PEX5L: variants seen among roughly 807,000 people sequenced by gnomAD.
PEX5L encodes the protein PEX5-related protein.
PEX5L carries 30 observed loss-of-function variants against 84.0 expected under a neutral mutation model. The ratio of observed to expected loss-of-function variants is 0.36; its 90% CI spans 0.27 to 0.48. The LOEUF is 0.48. PEX5L is among the 20% of genes least tolerant of loss of function. The probability of loss-of-function intolerance (pLI) is 0.99; values close to 1 mark genes in which losing one functional copy is unlikely to be tolerated. For synonymous variants in PEX5L, 270 were observed against 283.1 expected (o/e 0.95, Z 0.46); for missense variants, 533 against 754.6 (o/e 0.71, Z 3.44).
intron 5 of PEX5L, 70 bp from the exon 6 acceptor site, chr3:179,875,547 G>A: frequency 9.8e-7 from 1 of 1,021,696 alleles, no homozygotes; most frequent in African/African-American, 1.6e-5. Context: ...GTGGCGGGGA[G>A]TGGGGTGAGG....
At chr3:179,940,397 G>A (rs1775762039) in intron 2 of PEX5L, among the ~76,000 whole-genome samples, 2 of 152,222 alleles carry the variant, frequency 1.3e-5, no homozygotes, top group Non-Finnish European at 2.9e-5. Context: ...GGGGGGCGCT[G>A]GGGGATGTGG....
At chr3:179,861,164 C>T (rs1364464295) in intron 7 of PEX5L, among the ~76,000 whole-genome samples, 2 of 152,212 alleles carry the variant, frequency 1.3e-5, no homozygotes, top group Non-Finnish European at 2.9e-5. Context: ...TCCTCAGTAT[C>T]TCCTAGCAGG....
intron 7 of PEX5L, among the ~76,000 whole-genome samples, chr3:179,872,657 A>G (rs572146198): frequency 7.9e-5 from 12 of 152,320 alleles, no homozygotes; most frequent in African/African-American, 2.6e-4. Context: ...CTGGGTCTCT[A>G]TGGCAACCAG....
chr3:179,990,859 G>A (rs1243055706), intron 1 of PEX5L, among the ~76,000 whole-genome samples: 1 of 152,112 alleles, frequency 6.6e-6, no homozygotes, highest in East Asian at 1.9e-4. Context: ...TTATTGATGA[G>A]GCAACTGAAA....
intron 2 of PEX5L, among the ~76,000 whole-genome samples, chr3:179,916,871 T>A (rs1052447679): frequency 3.3e-5 from 5 of 151,872 alleles, no homozygotes; most frequent in Admixed American, 3.3e-4. Context: ...AGTTTCACCA[T>A]GTTGGCCAGG....
intron 7 of PEX5L, among the ~76,000 whole-genome samples, chr3:179,869,559 G>A (rs1017400601): frequency 1.3e-5 from 2 of 152,114 alleles, no homozygotes; most frequent in South Asian, 4.1e-4. Context: ...TGGACGTGCC[G>A]GGTACTTTGA....
At chr3:179,891,849 A>G (rs1395700657) in intron 3 of PEX5L, among the ~76,000 whole-genome samples, 2 of 152,176 alleles carry the variant, frequency 1.3e-5, no homozygotes. Flanking sequence ...GAACAAATAC[A>G]TGTTTTAGAT....
chr3:179,920,022 T>C (rs13083997), intron 2 of PEX5L, among the ~76,000 whole-genome samples: 21,964 of 152,216 alleles, frequency 0.14, 1,650 homozygotes, highest in Middle Eastern at 0.24. Context: ...AAGATAGTAG[T>C]TAAGTTTAGA....
At chr3:179,968,564 T>C (rs1783929929) in intron 2 of PEX5L, among the ~76,000 whole-genome samples, 1 of 152,160 alleles carries the variant, frequency 6.6e-6, no homozygotes, top group Non-Finnish European at 1.5e-5. Flanking sequence ...ATGTTTGGGT[T>C]TTGGAGGCAT....
intron 1 of PEX5L, among the ~76,000 whole-genome samples, chr3:179,976,434 T>C (rs1481102139): frequency 6.6e-6 from 1 of 151,340 alleles, no homozygotes; most frequent in African/African-American, 2.4e-5. Flanking sequence ...CTTTCTTTTC[T>C]TTTTTTTTGG....
At chr3:179,901,192 C>A (rs1378599659) in intron 2 of PEX5L, among the ~76,000 whole-genome samples, 4 of 150,780 alleles carry the variant, frequency 2.7e-5, no homozygotes, top group African/African-American at 9.8e-5. Flanking sequence ...TAGCTTAAAA[C>A]ATTGTAAGAT....
chr3:179,877,839 ATAG>A (rs72215091), intron 5 of PEX5L, among the ~76,000 whole-genome samples: 7,569 of 152,292 alleles, frequency 0.05, 667 homozygotes, highest in African/African-American at 0.17. Flanking sequence ...TAGTGAGGAA[ATAG>A]TAGAGATAGT....
chr3:180,009,843 G>A (rs190855936), intron 1 of PEX5L, among the ~76,000 whole-genome samples: 49 of 152,234 alleles, frequency 3.2e-4, no homozygotes, highest in African/African-American at 1.1e-3. Flanking sequence ...TATAGAAAGT[G>A]CTCAATAAAT....
chr3:179,804,379 A>T (rs943667704), intron 14 of PEX5L: 4 of 152,192 alleles, frequency 2.6e-5, no homozygotes, highest in African/African-American at 4.8e-5. Flanking sequence ...ATCACGTTAT[A>T]GCTTTCCCTC....
chr3:179,892,309 C>CAAGAG (rs1757855664), intron 3 of PEX5L, among the ~76,000 whole-genome samples: 5 of 152,266 alleles, frequency 3.3e-5, no homozygotes, highest in Admixed American at 6.5e-5. Context: ...GGATCCCATT[C>CAAGAG]AACTGGCACA....
chr3:179,962,099 C>T (rs551556964), intron 2 of PEX5L, among the ~76,000 whole-genome samples: 76 of 52,324 alleles, frequency 1.5e-3, no homozygotes, highest in African/African-American at 3.8e-3. Flanking sequence ...TTTGTGAGAA[C>T]CATTTTATGA....
chr3:179,982,151 A>G (rs910670807), intron 1 of PEX5L, among the ~76,000 whole-genome samples: 5 of 152,216 alleles, frequency 3.3e-5, no homozygotes, highest in African/African-American at 9.6e-5. Flanking sequence ...AAGGTAGAGT[A>G]AGGGACACTT....
intron 8 of PEX5L, among the ~76,000 whole-genome samples, chr3:179,848,531 T>G (rs1358833539): frequency 1.5e-5 from 2 of 136,078 alleles, no homozygotes; most frequent in African/African-American, 5.8e-5. Context: ...CCAGCCTCAG[T>G]GCCAGAGTGA....
At chr3:179,899,391 GCAGA>G (rs1235807125) in intron 2 of PEX5L, among the ~76,000 whole-genome samples, 3 of 152,062 alleles carry the variant, frequency 2.0e-5, no homozygotes, top group Non-Finnish European at 2.9e-5. Flanking sequence ...TACAAATGTA[GCAGA>G]CAGACCTATC....
Sources: allele counts gnomAD v4.1 joint callset (sites outside exome capture counted in the v4.1 genomes callset), GRCh38; gene constraint gnomAD v4.1.1; transcripts MANE v1.5; gene names NCBI Gene and HGNC (gene_info 2026-07-23, HGNC 2026-07-21).